Variants in CYTIP observed in about 807,000 individuals in gnomAD.
CYTIP encodes cytohesin-interacting protein.
In CYTIP, 26 loss-of-function variants were observed where a neutral mutation model predicts 43.8. That is an observed-to-expected ratio of 0.59 (90% CI 0.44 to 0.82). The LOEUF is 0.82. Ranked by LOEUF, CYTIP falls within the 40% of genes least tolerant of loss-of-function variation. The pLI, the probability that CYTIP is intolerant of heterozygous loss-of-function variation, is 0.00. For missense variants in CYTIP, 426 were observed against 443.1 expected (o/e 0.96, Z 0.35); for synonymous variants, 162 against 162.9 (o/e 0.99, Z 0.04).
chr2:157,422,915 T>C (rs1685545064), intron 6 of CYTIP, among the ~76,000 whole-genome samples: 1 of 152,072 alleles, frequency 6.6e-6, no homozygotes, highest in Non-Finnish European at 1.5e-5. Context: ...GAGATGTTAC[T>C]AAAGAATTCA....
At chr2:157,430,983 T>C (rs1384747603) in intron 3 of CYTIP, 21 bp from the exon 4 acceptor site, 5 of 1,569,092 alleles carry the variant, frequency 3.2e-6, no homozygotes, top group Non-Finnish European at 4.3e-6. Context: ...TAAGATGATA[T>C]ATAGTTACTA....
intron 3 of CYTIP, among the ~76,000 whole-genome samples, chr2:157,432,344 T>A (rs1301177437): frequency 6.6e-6 from 1 of 152,184 alleles, no homozygotes. Flanking sequence ...AAAGTATTAA[T>A]TGGATGCTTT....
intron 5 of CYTIP, 134 bp downstream of exon 5, chr2:157,430,425 C>A (rs1573858872): frequency 3.2e-6 from 2 of 633,114 alleles, no homozygotes; most frequent in African/African-American, 1.8e-5. Context: ...AATGTTTGTA[C>A]CCCACTCTAA....
chr2:157,442,898 A>T (rs1164942003), intron 1 of CYTIP, among the ~76,000 whole-genome samples: 2 of 152,202 alleles, frequency 1.3e-5, no homozygotes, highest in African/African-American at 4.8e-5. Flanking sequence ...GCAATTCTAA[A>T]TATTTTCTGT....
At chr2:157,430,022 CAAAA>C (rs768455650) in intron 5 of CYTIP, among the ~76,000 whole-genome samples, 3 of 52,684 alleles carry the variant, frequency 5.7e-5, no homozygotes, top group African/African-American at 6.8e-5. Context: ...GACTCCGTCT[CAAAA>C]AAAAAAAAAA....
chr2:157,416,254 T>C (rs894059731), intron 7 of CYTIP, 111 bp from the exon 8 acceptor site: 22 of 881,078 alleles, frequency 2.5e-5, no homozygotes, highest in African/African-American at 3.4e-5. Context: ...GGGTGAAAAA[T>C]ACTTTTCACT....
At chr2:157,439,640 G>T (rs1269138639) in intron 1 of CYTIP, among the ~76,000 whole-genome samples, 1 of 152,106 alleles carries the variant, frequency 6.6e-6, no homozygotes, top group Non-Finnish European at 1.5e-5. Flanking sequence ...GCATATGCTG[G>T]CAACAGCTGT....
At position 157,415,169 on chromosome 2, in the gene CYTIP, TG is replaced by T. The variant is rs1685420611; in HGVS notation, c.*507del. On this transcript the variant is annotated 3_prime_UTR_variant, in exon 8 of 8. Coordinates refer to ENST00000264192, the MANE Select transcript of CYTIP (RefSeq NM_004288.5). ...CACTATAGATGTGAGAAACAGCTGATGGTCATCTTTGTTTACAAGCCATTAC... is the reference window on the plus strand; with the variant it reads ...CACTATAGATGTGAGAAACAGCTGATGTCATCTTTGTTTACAAGCCATTAC... The T allele has an allele frequency of 6.4e-6, 1 of 156,034 alleles. No homozygotes were observed. The highest frequency in any genetic ancestry group is 6.2e-5 in the Admixed American group (1 of 16,104). The allele number at this position is 156,034 out of a possible 1,614,324, so 9.7% of individuals were successfully genotyped here.
At chr2:157,427,490 T>C in intron 5 of CYTIP, 70 bp from the exon 6 acceptor site, 2 of 1,137,836 alleles carry the variant, frequency 1.8e-6, no homozygotes, top group South Asian at 1.4e-5. Context: ...TTTAAATAAG[T>C]ACCATACTAC....
intron 7 of CYTIP, 74 bp downstream of exon 7, chr2:157,418,449 T>C (rs754439491): frequency 6.8e-7 from 1 of 1,479,312 alleles, no homozygotes; most frequent in Non-Finnish European, 9.2e-7. Flanking sequence ...GATGATAATC[T>C]TAAACCAACT....
At chr2:157,434,313 G>A (rs185719627) in intron 3 of CYTIP, 57 bp downstream of exon 3, 16 of 1,311,580 alleles carry the variant, frequency 1.2e-5, no homozygotes, top group Non-Finnish European at 1.7e-5. Flanking sequence ...CACATAACAT[G>A]ACACTACCGG....
In CYTIP at chr2:157,436,779, A is replaced by G. The variant is rs1223252802; in HGVS notation, c.175-2032T>C. 2.6e-5 allele frequency among the ~76,000 whole-genome samples: 4 copies of G among 152,174 alleles called. No homozygotes were observed. In the South Asian group the frequency reaches 6.2e-4, roughly 24 times the overall value. On this transcript the variant is annotated intron_variant, in intron 1 of 7. Transcript: ENST00000264192. ...AAAATGGAGAAATAGATAAAAATAA[A>G]TAAACTACTAAACGAAAATGGAAGC...
intron 7 of CYTIP, among the ~76,000 whole-genome samples, chr2:157,417,686 C>T (rs1022592392): frequency 7.3e-5 from 11 of 150,450 alleles, no homozygotes; most frequent in Non-Finnish European, 1.2e-4. Flanking sequence ...AAGTTTCAAA[C>T]ACTTCAATTT....
intron 1 of CYTIP, among the ~76,000 whole-genome samples, chr2:157,436,350 T>G (rs556075470): frequency 6.6e-6 from 1 of 152,176 alleles, no homozygotes; most frequent in Non-Finnish European, 1.5e-5. Context: ...ACTTGATATT[T>G]CCAAGCATTC....
At chr2:157,427,211 G>T in intron 6 of CYTIP, 140 bp downstream of exon 6, 1 of 657,674 alleles carries the variant, frequency 1.5e-6, no homozygotes, top group Non-Finnish European at 2.6e-6. Context: ...GTAATTGTGC[G>T]GCTCTTGATA....
At chr2:157,421,677 C>G (rs1465585964) in intron 6 of CYTIP, among the ~76,000 whole-genome samples, 1 of 152,176 alleles carries the variant, frequency 6.6e-6, no homozygotes, top group Non-Finnish European at 1.5e-5. Flanking sequence ...GAAAGGACCA[C>G]TGTTTCTAAA....
chr2:157,437,003 C>A (rs1212711095), intron 1 of CYTIP, among the ~76,000 whole-genome samples: 1 of 152,034 alleles, frequency 6.6e-6, no homozygotes, highest in Non-Finnish European at 1.5e-5. Flanking sequence ...AACTGTATAT[C>A]CATATGCAGA....
chr2:157,439,342 G>A (rs1044259141), intron 1 of CYTIP: 1 of 152,176 alleles, frequency 6.6e-6, no homozygotes, highest in African/African-American at 2.4e-5. Context: ...CGGGCTGTCA[G>A]ACTCAGGCGA....
chr2:157,432,970 A>C (rs1685736576), intron 3 of CYTIP, among the ~76,000 whole-genome samples: 1 of 152,216 alleles, frequency 6.6e-6, no homozygotes, highest in South Asian at 2.1e-4. Context: ...ATGTTGATCT[A>C]CAAAAGTTCA....
Sources: gnomAD v4.1 joint callset for allele counts (sites outside exome capture counted in the v4.1 genomes callset) on GRCh38, gnomAD v4.1.1 for gene constraint, MANE v1.5 for transcripts, NCBI Gene and HGNC (gene_info 2026-07-23, HGNC 2026-07-21) for gene names.